FOXP1: variants seen among roughly 807,000 people sequenced by gnomAD.
The protein encoded by FOXP1 is forkhead box protein P1.
A neutral mutation model predicts 98.2 loss-of-function variants in FOXP1; 15 were observed. The observed-to-expected ratio is 0.15, with a 90% confidence interval of 0.10 to 0.24. The LOEUF (loss-of-function observed/expected upper bound fraction) is 0.24, where lower values mean the gene tolerates loss of function less well. Ranked by LOEUF, FOXP1 falls within the 10% of genes least tolerant of loss-of-function variation. The pLI is 1.00. For synonymous variants in FOXP1, 371 were observed against 314.5 expected, an observed-to-expected ratio of 1.18 and a Z score of -1.90; for missense variants, 633 against 848.5, an observed-to-expected ratio of 0.75 and a Z score of 3.15.
At chr3:71,083,071 G>A (rs2054623490) in intron 7 of FOXP1, among the ~76,000 whole-genome samples, 1 of 152,200 alleles carries the variant, frequency 6.6e-6, no homozygotes. Flanking sequence ...AGGTCCCACT[G>A]ATATAGTTTG....
chr3:71,495,212 A>C (rs1457034932), intron 2 of FOXP1, among the ~76,000 whole-genome samples: 1 of 152,196 alleles, frequency 6.6e-6, no homozygotes, highest in Non-Finnish European at 1.5e-5. Flanking sequence ...CATTCTTTAC[A>C]CAACTGGTCC....
chr3:71,454,431 C>T (rs2087251578), intron 3 of FOXP1, among the ~76,000 whole-genome samples: 1 of 152,130 alleles, frequency 6.6e-6, no homozygotes, highest in Non-Finnish European at 1.5e-5. Flanking sequence ...CGATAGAAAA[C>T]CACAGAGACA....
In FOXP1 at chr3:71,583,666, TCACTCGCGCACA is replaced by T. The variant is rs1189451632; in HGVS notation, c.-554_-543del. On this transcript the variant is annotated 5_prime_UTR_variant, in exon 1 of 21. Transcript: ENST00000649528. ...CCGCGCGCGCACCCCGCGCACACAC[TCACTCGCGCACA>T]CACGCGCGCACACACGCACTCCCGG... 52 of 983,462 alleles carry T rather than the reference TCACTCGCGCACA, an allele frequency of 5.3e-5. No homozygotes were observed. Among genetic ancestry groups the T allele is most frequent in the South Asian group, 3.3e-4 (7 of 21,228 alleles). 60.9% of individuals were successfully genotyped at this position (983,462 alleles called of 1,614,324 possible).
intron 3 of FOXP1, among the ~76,000 whole-genome samples, chr3:71,442,795 G>A (rs1013481075): frequency 2.0e-5 from 3 of 152,236 alleles, no homozygotes; most frequent in African/African-American, 7.2e-5. Flanking sequence ...AAAAATGAAA[G>A]CATGCAGATT....
chr3:71,197,782 CT>C, intron 6 of FOXP1: 1 of 1,184,088 alleles, frequency 8.4e-7, no homozygotes, highest in Non-Finnish European at 1.2e-6. Context: ...CTCATCTACT[CT>C]TTTTCTCTCT....
intron 5 of FOXP1, among the ~76,000 whole-genome samples, chr3:71,228,970 T>TG (rs1241958508): frequency 8.5e-5 from 4 of 47,002 alleles, no homozygotes; most frequent in Non-Finnish European, 1.8e-4. Flanking sequence ...GTTGGTTGTT[T>TG]TTTTTTTTTT....
chr3:71,444,632 T>G (rs1011903141), intron 3 of FOXP1, among the ~76,000 whole-genome samples: 2 of 152,156 alleles, frequency 1.3e-5, no homozygotes. Flanking sequence ...CGCTTCCAAT[T>G]CAGCAGGCCT....
At chr3:71,124,421 G>A (rs1177876528) in intron 6 of FOXP1, among the ~76,000 whole-genome samples, 1 of 151,326 alleles carries the variant, frequency 6.6e-6, no homozygotes, top group Non-Finnish European at 1.5e-5. Context: ...CACCACAATT[G>A]TTTACTATAA....
At chr3:71,382,973 T>A (rs1379579295) in intron 3 of FOXP1, among the ~76,000 whole-genome samples, 2 of 152,228 alleles carry the variant, frequency 1.3e-5, no homozygotes, top group Non-Finnish European at 2.9e-5. Flanking sequence ...GGTGTGGGTA[T>A]GAGAACTTGA....
rs55817699 is a variant in FOXP1, at chr3:71,397,032, A to G, written c.-167-37788T>C. Among the ~76,000 whole-genome samples the G allele has an allele frequency of 5.8e-3, 259 of 44,302 alleles. 20 individuals are homozygous for G. The highest frequency in any genetic ancestry group is 0.02 in the African/African-American group (225 of 11,448). The allele number at this position is 44,302 out of a possible 152,430, so 29.1% of individuals were successfully genotyped here. On this transcript the variant is annotated intron_variant, in intron 3 of 20. Coordinates refer to ENST00000649528, the MANE Select transcript of FOXP1 (RefSeq NM_001349338.3). Reference sequence around the variant, plus strand: ...TGTATATATATATATATACATATATATGTGTATATATATATACACATATAT... The same window carrying G: ...TGTATATATATATATATACATATATGTGTGTATATATATATACACATATAT...
chr3:71,432,926 T>C (rs966985403), intron 3 of FOXP1, among the ~76,000 whole-genome samples: 9 of 150,434 alleles, frequency 6.0e-5, no homozygotes, highest in Admixed American at 2.6e-4. Flanking sequence ...TTTCCAAGGA[T>C]ATACCAGAGT....
At chr3:71,170,954 A>G (rs970744353) in intron 6 of FOXP1, among the ~76,000 whole-genome samples, 4 of 152,108 alleles carry the variant, frequency 2.6e-5, no homozygotes, top group Non-Finnish European at 4.4e-5. Flanking sequence ...ACTCTTTATA[A>G]TATCTGTACT....
intron 2 of FOXP1, among the ~76,000 whole-genome samples, chr3:71,512,421 C>T (rs932030966): frequency 5.9e-5 from 9 of 152,232 alleles, no homozygotes; most frequent in Admixed American, 1.3e-4. Flanking sequence ...GAAATCCCCA[C>T]CCAAAAATGA....
At position 71,058,795 on chromosome 3, in the gene FOXP1, A is replaced by T. The variant is rs984566928; in HGVS notation, c.283-5022T>A. Among the ~76,000 whole-genome samples, 8 of 152,236 alleles carry T rather than the reference A, an allele frequency of 5.3e-5. No individual in the cohort carries two copies. The East Asian group carries it at 1.5e-3, about 29-fold the overall frequency. ...AGCTTCTATTTCTCCATGGTATTAAAAAAACAAAACAAAATGAACCAACCA... is the reference window on the plus strand; with the variant it reads ...AGCTTCTATTTCTCCATGGTATTAATAAAACAAAACAAAATGAACCAACCA... On this transcript the variant is annotated intron_variant, in intron 7 of 20. Transcript: ENST00000649528.
At chr3:71,024,211 G>T (rs1015102803) in intron 11 of FOXP1, among the ~76,000 whole-genome samples, 2 of 152,130 alleles carry the variant, frequency 1.3e-5, no homozygotes, top group Admixed American at 6.6e-5. Flanking sequence ...TGCAAGGGCC[G>T]CATGCGTTTC....
At chr3:70,988,214 T>A (rs1367321591) in intron 13 of FOXP1, 137 bp from the exon 14 acceptor site, 2 of 862,852 alleles carry the variant, frequency 2.3e-6, no homozygotes, top group Non-Finnish European at 3.9e-6. Flanking sequence ...GTTTTTGAAA[T>A]CTACATGACC....
intron 11 of FOXP1, among the ~76,000 whole-genome samples, chr3:71,030,838 T>C (rs973655151): frequency 2.0e-5 from 3 of 152,222 alleles, no homozygotes; most frequent in African/African-American, 7.2e-5. Flanking sequence ...CATTTTTCTC[T>C]CACACTGATC....
intron 3 of FOXP1, among the ~76,000 whole-genome samples, chr3:71,406,434 T>C: frequency 6.9e-6 from 1 of 145,092 alleles, no homozygotes; most frequent in Non-Finnish European, 1.5e-5. Flanking sequence ...TGGTACAGTA[T>C]GATTTTTTGA....
intron 3 of FOXP1, among the ~76,000 whole-genome samples, chr3:71,397,802 A>G (rs1229516128): frequency 1.3e-5 from 2 of 152,220 alleles, no homozygotes; most frequent in Non-Finnish European, 2.9e-5. Context: ...ACACTGGAAA[A>G]GGCAGGAAAG....
Sources: gnomAD v4.1 joint callset for allele counts (sites outside exome capture counted in the v4.1 genomes callset) on GRCh38, gnomAD v4.1.1 for gene constraint, MANE v1.5 for transcripts, NCBI Gene and HGNC (gene_info 2026-07-23, HGNC 2026-07-21) for gene names.